The following CHAMP1 variants were observed in gnomAD, a reference collection of about 807,000 sequenced individuals.
The protein encoded by CHAMP1 is chromosome alignment-maintaining phosphoprotein 1.
A neutral mutation model predicts 54.5 loss-of-function variants in CHAMP1; 4 were observed. The observed-to-expected ratio is 0.07, with a 90% CI of 0.04 to 0.17. CHAMP1 has a LOEUF of 0.17. CHAMP1 is among the 10% of genes least tolerant of loss of function. CHAMP1 has a pLI of 1.00. For synonymous variants in CHAMP1, 368 were observed against 342.2 expected (o/e 1.08, Z -0.83); for missense variants, 994 against 968.6 (o/e 1.03, Z -0.35).
At position 114,324,509 on chromosome 13, in the gene CHAMP1, A is replaced by T; in HGVS notation, c.667A>T (p.Ser223Cys). The change falls in exon 3 of 3, where the codon AGT becomes TGT. Residue 223 changes from serine to cysteine, a missense_variant. Ser to Cys is a moderately radical substitution (Grantham distance 112, BLOSUM62 -1). Transcript: ENST00000361283. ...VSPESVKATL[S>C]NPKPQKQSHF... ...TCCTGAGTCAGTAAAGGCTACTCTT[A>T]GTAATCCCAAACCCCAGAAGCAGTC... is the stretch of plus-strand genomic sequence containing the variant. 1 of 1,614,078 alleles carries T rather than the reference A, an allele frequency of 6.2e-7. No homozygotes were observed. Among genetic ancestry groups the T allele is most frequent in the Non-Finnish European group, 8.5e-7 (1 of 1,179,992 alleles).
At chr13:114,315,055 G>C (rs2087077965) in intron 1 of CHAMP1, among the ~76,000 whole-genome samples, 1 of 152,188 alleles carries the variant, frequency 6.6e-6, no homozygotes, top group African/African-American at 2.4e-5. Flanking sequence ...TTAATGTCTA[G>C]AATACAAGAA....
In CHAMP1 at chr13:114,316,482, G is replaced by A. The variant is rs112234894; in HGVS notation, c.-179+1839G>A. 7.9e-5 allele frequency among the ~76,000 whole-genome samples: 12 copies of A among 151,530 alleles called. No individual in the cohort carries two copies. The East Asian group carries it at 2.0e-3, about 25-fold the overall frequency. On this transcript the variant is annotated intron_variant, in intron 1 of 2. Coordinates refer to ENST00000361283, the MANE Select transcript of CHAMP1 (RefSeq NM_032436.4). The stretch of plus-strand genomic sequence containing the variant: ...GCGCGCGCCTGTAGTCCCAGCTACT[G>A]GGGAGGCTGAGGCAGGAGAATCGCT...
In CHAMP1 at chr13:114,325,603, A is replaced by C. The variant is rs782752637; in HGVS notation, c.1761A>C (p.Ile587=). Residue 587 remains isoleucine (I), a synonymous_variant, in exon 3 of 3, where the codon ATA becomes ATC. Coordinates refer to ENST00000361283, the MANE Select transcript of CHAMP1 (RefSeq NM_032436.4). The part of the protein sequence containing the change: ...ELGDELQIDA[I]DDQKCDILVQ... ...GTGATGAACTACAAATAGATGCCAT[A>C]GATGATCAAAAATGTGATATTTTGG... The C allele has an allele frequency of 8.7e-6, 14 of 1,614,250 alleles. No homozygotes were observed. Among genetic ancestry groups the C allele is most frequent in the Non-Finnish European group, 1.2e-5 (14 of 1,180,042 alleles).
In CHAMP1 at chr13:114,320,408, C is replaced by T. The variant is rs545386947; in HGVS notation, c.-178-702C>T. Among the ~76,000 whole-genome samples the T allele has an allele frequency of 4.6e-5, 7 of 152,198 alleles. No homozygotes were observed. In the East Asian group the frequency reaches 1.3e-3, roughly 29 times the overall value. On this transcript the variant is annotated intron_variant, in intron 1 of 2. Coordinates refer to ENST00000361283, the MANE Select transcript of CHAMP1 (RefSeq NM_032436.4). ...TCTTGGTCCTCTTTGTTGTGGTGTC[C>T]CTTCCTCCACTGCCTGTTAATTTGG...
At chr13:114,323,589 T>G (rs2139417508) in intron 2 of CHAMP1, 199 bp from the exon 3 acceptor site, 22 of 418,890 alleles carry the variant, frequency 5.3e-5, no homozygotes, top group Non-Finnish European at 7.1e-5. Flanking sequence ...TAGGATTAAA[T>G]GAGATGATGT....
chr13:114,317,728 TA>T (rs761480449), intron 1 of CHAMP1, among the ~76,000 whole-genome samples: 2 of 152,186 alleles, frequency 1.3e-5, no homozygotes, highest in African/African-American at 4.8e-5. Flanking sequence ...AATTTTAATT[TA>T]AAAAACTATG....
Position 114,324,078 on chromosome 13 carries a change from A to C in CHAMP1, c.236A>C (p.Tyr79Ser). 6.2e-7 allele frequency: 1 copy of C among 1,614,238 alleles called. No individual in the cohort carries two copies. The highest frequency in any genetic ancestry group is 2.2e-5 in the East Asian group (1 of 44,892). ...AGCAAGATGTACTCTAATGTATACTATCACATCACATCCAAACATGCATCC... is the reference window on the plus strand; with the variant it reads ...AGCAAGATGTACTCTAATGTATACTCTCACATCACATCCAAACATGCATCC... The part of the protein sequence containing the change: ...FTSKMYSNVY[Y>S]HITSKHASPD... The change falls in exon 3 of 3, where the codon TAT becomes TCT. Residue 79 changes from tyrosine to serine, a missense_variant. Physicochemically the swap from Tyr to Ser is moderately radical, Grantham distance 144. Transcript: ENST00000361283.
At position 114,325,772 on chromosome 13, in the gene CHAMP1, A is replaced by G. The variant is rs781795851; in HGVS notation, c.1930A>G (p.Met644Val). 2 of 1,614,172 alleles carry G rather than the reference A, an allele frequency of 1.2e-6. No homozygotes were observed. The highest frequency in any genetic ancestry group is 1.7e-6 in the Non-Finnish European group (2 of 1,180,034). Residue 644 changes from methionine to valine, a missense_variant, in exon 3 of 3, where the codon ATG becomes GTG. Around this residue, in one of 3 missense-constraint regions of CHAMP1, gnomAD observed 851 missense variants for 701.3 expected, o/e 1.21. Coordinates refer to ENST00000361283, the MANE Select transcript of CHAMP1 (RefSeq NM_032436.4). ...GTACATAAAAACAGATTTGGATGCGATGGATATTAAGGGCCAGGAATCAAG... is the reference window on the plus strand; with the variant it reads ...GTACATAAAAACAGATTTGGATGCGGTGGATATTAAGGGCCAGGAATCAAG... ...SEYIKTDLDAMDIKGQESSSD... is the reference protein window; with the variant it reads ...SEYIKTDLDAVDIKGQESSSD...
chr13:114,317,540 C>G (rs1489819032), intron 1 of CHAMP1, among the ~76,000 whole-genome samples: 4 of 152,042 alleles, frequency 2.6e-5, no homozygotes, highest in Non-Finnish European at 4.4e-5. Context: ...GGGGGGATCT[C>G]TGGAGCCCAG....
Position 114,324,506 on chromosome 13 carries a change from C to T in CHAMP1, c.664C>T (p.Leu222Phe). The change falls in exon 3 of 3, where the codon CTT becomes TTT. Residue 222 changes from leucine (L) to phenylalanine (F), a missense_variant. By Grantham distance (22) the Leu-to-Phe change is conservative. Around this residue, in one of 3 missense-constraint regions of CHAMP1, gnomAD observed 851 missense variants for 701.3 expected, o/e 1.21. Transcript: ENST00000361283. ...ATCTCCTGAGTCAGTAAAGGCTACT[C>T]TTAGTAATCCCAAACCCCAGAAGCA... Reference protein sequence around the residue: ...PVSPESVKATLSNPKPQKQSH... With the variant: ...PVSPESVKATFSNPKPQKQSH... 3.1e-6 allele frequency: 5 copies of T among 1,614,212 alleles called. No homozygotes were observed. The highest frequency in any genetic ancestry group is 4.2e-6 in the Non-Finnish European group (5 of 1,180,036).
Position 114,325,802 on chromosome 13 carries a change from G to C in CHAMP1, c.1960G>C (p.Asp654His), listed in dbSNP as rs781839328. Reference protein sequence around the residue: ...MDIKGQESSSDQEQVDVESID... With the variant: ...MDIKGQESSSHQEQVDVESID... Reference sequence around the variant, plus strand: ...TATTAAGGGCCAGGAATCAAGCAGTGATCAAGAGCAGGTTGATGTGGAATC... The same window carrying C: ...TATTAAGGGCCAGGAATCAAGCAGTCATCAAGAGCAGGTTGATGTGGAATC... Residue 654 changes from aspartate to histidine, a missense_variant, in exon 3 of 3, where the codon GAT becomes CAT. Transcript: ENST00000361283. The C allele has an allele frequency of 2.5e-6, 4 of 1,614,052 alleles. No individual in the cohort carries two copies.
At chr13:114,316,446 AGCCTGTGGTGGCGCGC>A (rs2087100474) in intron 1 of CHAMP1, among the ~76,000 whole-genome samples, 1 of 151,308 alleles carries the variant, frequency 6.6e-6, no homozygotes, top group Non-Finnish European at 1.5e-5. Flanking sequence ...TACAGGCGTG[AGCCTGTGGTGGCGCGC>A]GCCTGTAGTC....
At chr13:114,318,184 C>G (rs1027878350) in intron 1 of CHAMP1, among the ~76,000 whole-genome samples, 1 of 152,138 alleles carries the variant, frequency 6.6e-6, no homozygotes, top group Admixed American at 6.5e-5. Context: ...AAAAACTGTT[C>G]CCTCTGACCT....
intron 1 of CHAMP1, among the ~76,000 whole-genome samples, chr13:114,314,948 A>G (rs1007277095): frequency 3.3e-5 from 5 of 152,234 alleles, no homozygotes; most frequent in Non-Finnish European, 1.5e-5. Context: ...TTTCTGTTTT[A>G]GTTCTAGACT....
In CHAMP1 at chr13:114,324,440, G is replaced by T; in HGVS notation, c.598G>T (p.Ala200Ser). 1 of 1,614,060 alleles carries T rather than the reference G, an allele frequency of 6.2e-7. No homozygotes were observed. The highest frequency in any genetic ancestry group is 1.1e-5 in the South Asian group (1 of 91,078). Residue 200 changes from alanine (A) to serine (S), a missense_variant, in exon 3 of 3, where the codon GCC becomes TCC. This residue lies in a region of CHAMP1 where 851 missense variants were observed against 701.3 expected (regional missense o/e 1.21). Coordinates refer to ENST00000361283, the MANE Select transcript of CHAMP1 (RefSeq NM_032436.4). ...SVPVCESQKL[A>S]PVPSPEPQKP... ...CCCTGTTTGTGAGTCTCAGAAACTT[G>T]CCCCTGTTCCTTCTCCAGAACCACA...
chr13:114,319,409 G>T (rs1320147612), intron 1 of CHAMP1, among the ~76,000 whole-genome samples: 1 of 152,160 alleles, frequency 6.6e-6, no homozygotes, highest in Non-Finnish European at 1.5e-5. Context: ...ATGTGCAACG[G>T]TTCCAGAGGT....
chr13:114,315,473 A>G (rs1471200672), intron 1 of CHAMP1, among the ~76,000 whole-genome samples: 1 of 152,218 alleles, frequency 6.6e-6, no homozygotes, highest in East Asian at 1.9e-4. Flanking sequence ...CAACATGTGG[A>G]TGAAAGGCAA....
Position 114,325,078 on chromosome 13 carries a change from T to A in CHAMP1, c.1236T>A (p.Val412=). 1.2e-6 allele frequency: 2 copies of A among 1,613,982 alleles called. No individual in the cohort carries two copies. The highest frequency in any genetic ancestry group is 1.7e-6 in the Non-Finnish European group (2 of 1,179,996). ...PTLSPEHWKA[V]PPVSPELRKP... is the part of the protein sequence containing the mutation. ...TGTCTCCTGAACATTGGAAGGCAGTTCCCCCAGTGTCTCCAGAGCTTCGCA... is the reference window on the plus strand; with the variant it reads ...TGTCTCCTGAACATTGGAAGGCAGTACCCCCAGTGTCTCCAGAGCTTCGCA... The change falls in exon 3 of 3, where the codon GTT becomes GTA. Residue 412 remains valine (V), a synonymous_variant. Coordinates refer to ENST00000361283, the MANE Select transcript of CHAMP1 (RefSeq NM_032436.4).
At chr13:114,315,442 A>T (rs1223753688) in intron 1 of CHAMP1, among the ~76,000 whole-genome samples, 1 of 151,638 alleles carries the variant, frequency 6.6e-6, no homozygotes, top group Non-Finnish European at 1.5e-5. Flanking sequence ...TCGCAGCATT[A>T]TTCAAAATCC....
Sources: allele counts gnomAD v4.1 joint callset (sites outside exome capture counted in the v4.1 genomes callset), GRCh38; gene constraint gnomAD v4.1.1; regional missense constraint gnomAD v4.1.1; transcripts MANE v1.5; gene names NCBI Gene and HGNC (gene_info 2026-07-23, HGNC 2026-07-21).